Variants in CAPS2 observed in about 807,000 individuals in gnomAD.
CAPS2 encodes calcyphosin-2.
A neutral mutation model predicts 86.5 loss-of-function variants in CAPS2; 98 were observed. That is an observed-to-expected ratio of 1.13 (90% CI 0.96 to 1.34). The LOEUF (loss-of-function observed/expected upper bound fraction) is 1.34, where lower values mean the gene tolerates loss of function less well. Ranked by LOEUF, CAPS2 falls within the 40% of genes most tolerant of loss-of-function variation. CAPS2 has a pLI of 0.00. For missense variants in CAPS2, 729 were observed against 686.8 expected (o/e 1.06, Z -0.69); for synonymous variants, 210 against 225.1 (o/e 0.93, Z 0.60).
At chr12:75,296,969 C>A (rs1565819074) in intron 11 of CAPS2, among the ~76,000 whole-genome samples, 1 of 152,194 alleles carries the variant, frequency 6.6e-6, no homozygotes, top group Non-Finnish European at 1.5e-5. Flanking sequence ...CTTTTGATAT[C>A]CCCTTCAAAA....
At chr12:75,300,988 C>T (rs187620124) in intron 8 of CAPS2, among the ~76,000 whole-genome samples, 103 of 152,162 alleles carry the variant, frequency 6.8e-4, no homozygotes, top group Non-Finnish European at 1.0e-3. Context: ...GAATGAAGTT[C>T]GAACTTTGTC....
At chr12:75,287,607 G>C (rs2035123482) in intron 14 of CAPS2, among the ~76,000 whole-genome samples, 1 of 152,098 alleles carries the variant, frequency 6.6e-6, no homozygotes, top group Non-Finnish European at 1.5e-5. Context: ...GGAGCTTCTG[G>C]GTAGCTAAGC....
At chr12:75,291,591 A>AAAAG (rs1565794143) in intron 13 of CAPS2, among the ~76,000 whole-genome samples, 153 bp downstream of exon 13, 6 of 95,944 alleles carry the variant, frequency 6.3e-5, no homozygotes, top group African/African-American at 1.6e-4. Context: ...ATATATATAT[A>AAAAG]TATATATATA....
intron 7 of CAPS2, among the ~76,000 whole-genome samples, chr12:75,312,040 G>A (rs959062138): frequency 6.6e-6 from 1 of 152,108 alleles, no homozygotes; most frequent in African/African-American, 2.4e-5. Context: ...TTTTTTCAAA[G>A]CTAAGTCTTA....
intron 1 of CAPS2, among the ~76,000 whole-genome samples, chr12:75,346,531 C>T (rs966702403): frequency 2.2e-4 from 34 of 152,226 alleles, no homozygotes; most frequent in African/African-American, 7.9e-4. Context: ...GCTAGGATTA[C>T]AGGCACATGC....
intron 1 of CAPS2, among the ~76,000 whole-genome samples, chr12:75,336,218 A>T (rs1481021022): frequency 6.6e-6 from 1 of 151,930 alleles, no homozygotes; most frequent in African/African-American, 2.4e-5. Context: ...ACAAAGAAGT[A>T]GAGCTAAAAA....
chr12:75,374,163 C>T (rs948357511), intron 1 of CAPS2, among the ~76,000 whole-genome samples: 6 of 152,202 alleles, frequency 3.9e-5, no homozygotes, highest in Non-Finnish European at 8.8e-5. Context: ...CTGCCACTGA[C>T]GCCTTAAGCA....
chr12:75,312,903 C>A, exon 7 of CAPS2: 1 of 1,604,122 alleles, frequency 6.2e-7, no homozygotes, highest in Non-Finnish European at 8.5e-7. Context: ...TTCTTCTCTG[C>A]AGCCACAATT....
At position 75,278,369 on chromosome 12, in the gene CAPS2, C is replaced by A. The variant is rs561177263; in HGVS notation, c.*521G>T. ...TATAATCACACTGCTTGAAAAATTT[C>A]TCTTGCATATCCTTTAATATTTTCA... On this transcript the variant is annotated 3_prime_UTR_variant, in exon 17 of 17. Transcript: ENST00000393284. 4.1e-6 allele frequency: 4 copies of A among 983,946 alleles called. No homozygotes were observed. The Admixed American group carries it at 2.5e-4, about 61-fold the overall frequency. 61.0% of individuals were successfully genotyped at this position (983,946 alleles called of 1,614,324 possible).
At chr12:75,276,179 C>T (rs2137908579), downstream of CAPS2, 1 of 1,403,226 alleles carries the variant, frequency 7.1e-7, no homozygotes, top group East Asian at 2.7e-5. Flanking sequence ...ATGCCCATTA[C>T]CTTCTATTTC....
chr12:75,354,902 G>A lies in CAPS2; in HGVS notation c.-394-31680C>T, dbSNP rs537520605. Among the ~76,000 whole-genome samples, 232 of 152,198 alleles carry A rather than the reference G, an allele frequency of 1.5e-3. 1 individual carries two copies. The highest frequency in any genetic ancestry group is 5.3e-3 in the African/African-American group (219 of 41,542). ...GGAAAGGACTCCCTATTTAATAGAT[G>A]GTGCTGGGAGAACAGGCTAGCCATA... is the stretch of plus-strand genomic sequence containing the variant. On this transcript the variant is annotated intron_variant, in intron 1 of 5. Transcript: ENST00000551829.
upstream of CAPS2, among the ~76,000 whole-genome samples, chr12:75,331,451 T>G (rs2041295389): frequency 6.6e-6 from 1 of 152,238 alleles, no homozygotes; most frequent in Non-Finnish European, 1.5e-5. Context: ...GTAATCACTC[T>G]GTATTTTTCT....
chr12:75,298,942 C>T (rs750692812), exon 10 of CAPS2: 2 of 1,606,092 alleles, frequency 1.2e-6, no homozygotes, highest in South Asian at 1.1e-5. Flanking sequence ...ACCCAATGAG[C>T]TCTCTGCAAG....
chr12:75,386,778 T>C (rs2045315763), intron 1 of CAPS2, among the ~76,000 whole-genome samples: 1 of 152,076 alleles, frequency 6.6e-6, no homozygotes, highest in Non-Finnish European at 1.5e-5. Context: ...AACTGATCTT[T>C]GACAAAGGAG....
chr12:75,306,136 C>A, intron 7 of CAPS2: 1 of 1,131,490 alleles, frequency 8.8e-7, no homozygotes, highest in Non-Finnish European at 1.3e-6. Context: ...CGTGCGGAAG[C>A]TCATCACCGA....
chr12:75,356,481 C>T (rs1310041733), intron 1 of CAPS2, among the ~76,000 whole-genome samples: 1 of 152,002 alleles, frequency 6.6e-6, no homozygotes, highest in Non-Finnish European at 1.5e-5. Context: ...CTAACTTGAT[C>T]GTGATAAGTA....
At chr12:75,330,229 G>A (rs866425393), upstream of CAPS2, among the ~76,000 whole-genome samples, 33 of 152,294 alleles carry the variant, frequency 2.2e-4, no homozygotes, top group African/African-American at 7.7e-4. Flanking sequence ...GCTTGTGGCC[G>A]GAGACCCCGC....
At chr12:75,300,216 A>G (rs1369816846) in intron 8 of CAPS2, among the ~76,000 whole-genome samples, 1 of 152,130 alleles carries the variant, frequency 6.6e-6, no homozygotes, top group South Asian at 2.1e-4. Flanking sequence ...GGCTATCTGA[A>G]TGCCATTTCT....
chr12:75,370,826 A>C (rs2044312236), intron 1 of CAPS2, among the ~76,000 whole-genome samples: 1 of 152,236 alleles, frequency 6.6e-6, no homozygotes, highest in Non-Finnish European at 1.5e-5. Context: ...ACATTTCTAC[A>C]AACCAGATAA....
Sources: allele counts gnomAD v4.1 joint callset (sites outside exome capture counted in the v4.1 genomes callset), GRCh38; gene constraint gnomAD v4.1.1; transcripts MANE v1.5; gene names NCBI Gene and HGNC (gene_info 2026-07-23, HGNC 2026-07-21).